Variants in PCDHA10 observed in about 807,000 individuals in gnomAD.
PCDHA10 encodes the protein protocadherin alpha 10, also known as protocadherin alpha-10.
Under a neutral mutation model 61.2 loss-of-function variants are expected in PCDHA10, and 45 were observed. The ratio of observed to expected loss-of-function variants is 0.74; its 90% CI spans 0.58 to 0.94. PCDHA10 has a LOEUF of 0.94. Among genes scored for constraint, PCDHA10 ranks in the 40% least tolerant of loss-of-function variants. PCDHA10 has a pLI of 0.00. For synonymous variants in PCDHA10, 602 were observed against 548.8 expected, an observed-to-expected ratio of 1.10 and a Z score of -1.35; for missense variants, 1,278 against 1,236.2, an observed-to-expected ratio of 1.03 and a Z score of -0.51.
intron 1 of PCDHA10, chr5:140,927,278 T>C: frequency 6.2e-7 from 1 of 1,614,094 alleles, no homozygotes; most frequent in Non-Finnish European, 8.5e-7. Flanking sequence ...GCCGGCGACG[T>C]GCAGCTGCAC....
At chr5:140,993,407 C>T (rs2097554546) in intron 3 of PCDHA10, among the ~76,000 whole-genome samples, 1 of 151,550 alleles carries the variant, frequency 6.6e-6, no homozygotes, top group African/African-American at 2.4e-5. Context: ...TAACCACCTT[C>T]ATCAGCATTT....
chr5:140,924,910 AT>A (rs1554202346), intron 1 of PCDHA10, among the ~76,000 whole-genome samples: 33 of 63,422 alleles, frequency 5.2e-4, no homozygotes, highest in African/African-American at 1.8e-3. Context: ...AAAAAATAAA[AT>A]AAAATAAAAT....
At chr5:140,969,766 C>A (rs1384743731) in intron 1 of PCDHA10, among the ~76,000 whole-genome samples, 2 of 152,130 alleles carry the variant, frequency 1.3e-5, no homozygotes, top group Non-Finnish European at 1.5e-5. Context: ...AGCTCTGAGG[C>A]CTCTAGGGGC....
At chr5:140,967,919 G>A (rs1554230110) in intron 1 of PCDHA10, 1 of 1,614,212 alleles carries the variant, frequency 6.2e-7, no homozygotes, top group South Asian at 1.1e-5. Flanking sequence ...CACCATTGTG[G>A]CCGTTCTCAG....
At chr5:140,898,906 G>A (rs199581699) in intron 1 of PCDHA10, among the ~76,000 whole-genome samples, 45,464 of 151,416 alleles carry the variant, frequency 0.3, 7,269 homozygotes, top group East Asian at 0.52. Context: ...GGTCCTTCAC[G>A]TCCCTTGTAA....
chr5:140,883,962 T>G, intron 1 of PCDHA10: 3 of 1,613,126 alleles, frequency 1.9e-6, no homozygotes, highest in Non-Finnish European at 2.5e-6. Context: ...GCTCCGGCGC[T>G]GCTGACGCCC....
In PCDHA10 at chr5:140,863,566, A is replaced by G. The variant is rs1390955253; in HGVS notation, c.2388+5130A>G. The G allele has an allele frequency of 2.9e-5, 11 of 373,988 alleles. No individual in the cohort carries two copies. In the East Asian group the frequency reaches 4.0e-4, roughly 13 times the overall value. The allele number at this position is 373,988 out of a possible 1,614,324, so 23.2% of individuals were successfully genotyped here. A position where few individuals can be genotyped will look rare whatever the true frequency, so the allele number is the denominator to read the frequency against. On this transcript the variant is annotated intron_variant, in intron 1 of 3. Transcript: ENST00000307360. Reference sequence around the variant, plus strand: ...ACTTCAATAGGAAATTTTTGAGAATATAAGTACTGTAATCCTGGAAAGTAT... The same window carrying G: ...ACTTCAATAGGAAATTTTTGAGAATGTAAGTACTGTAATCCTGGAAAGTAT...
intron 1 of PCDHA10, chr5:140,870,673 C>T (rs1554164562): frequency 1.9e-6 from 3 of 1,612,666 alleles, no homozygotes; most frequent in Non-Finnish European, 1.7e-6. Context: ...GCCGTTGGAC[C>T]ACGAGGAGCT....
At chr5:140,869,746 A>G in intron 1 of PCDHA10, 1 of 1,613,340 alleles carries the variant, frequency 6.2e-7, no homozygotes, top group Non-Finnish European at 8.5e-7. Flanking sequence ...GCTAACAGCT[A>G]CAGACGGGGG....
rs1169981457 is a variant in PCDHA10, at chr5:140,955,139, G to GT, written c.2389-23805dup. ...TTCTGTTCCACTGGTCTACACGTCT[G>GT]TTTTTGTACCAGTACCGTGCTGTTT... On this transcript the variant is annotated intron_variant, in intron 1 of 3. Coordinates refer to ENST00000307360, the MANE Select transcript of PCDHA10 (RefSeq NM_018901.4). Among the ~76,000 whole-genome samples the GT allele has an allele frequency of 2.0e-5, 3 of 152,138 alleles. No homozygotes were observed. The East Asian group carries it at 5.8e-4, about 29-fold the overall frequency.
At chr5:140,946,720 A>C (rs1460843213) in intron 1 of PCDHA10, among the ~76,000 whole-genome samples, 4 of 150,970 alleles carry the variant, frequency 2.6e-5, no homozygotes, top group African/African-American at 9.8e-5. Flanking sequence ...ATGTTTAGTT[A>C]AATAAGCCAG....
chr5:140,863,385 G>T (rs782510264), intron 1 of PCDHA10: 7 of 1,030,746 alleles, frequency 6.8e-6, no homozygotes, highest in Non-Finnish European at 1.0e-5. Context: ...CCGAGAGCTC[G>T]TGCATGCCGG....
chr5:140,976,982 T>G (rs1348911349), intron 1 of PCDHA10, among the ~76,000 whole-genome samples: 1 of 152,240 alleles, frequency 6.6e-6, no homozygotes, highest in African/African-American at 2.4e-5. Flanking sequence ...CTGCCTGATC[T>G]TACTGCCATA....
chr5:140,873,706 G>T (rs1419666886), intron 1 of PCDHA10, among the ~76,000 whole-genome samples: 1 of 152,132 alleles, frequency 6.6e-6, no homozygotes, highest in Non-Finnish European at 1.5e-5. Context: ...TATCACCCAG[G>T]CTGGTGTGCA....
chr5:140,907,782 G>A (rs1285928394), intron 1 of PCDHA10, among the ~76,000 whole-genome samples: 1 of 152,158 alleles, frequency 6.6e-6, no homozygotes, highest in African/African-American at 2.4e-5. Flanking sequence ...AGGGGTGGCT[G>A]GGGAAAGAGG....
At chr5:140,915,626 GTCTCTCTCTCTCTC>G in intron 1 of PCDHA10, among the ~76,000 whole-genome samples, 1 of 146,536 alleles carries the variant, frequency 6.8e-6, no homozygotes, top group Non-Finnish European at 1.5e-5. Flanking sequence ...GTCTCTTTCT[GTCTCTCTCTCTCTC>G]TCTCTCTCTC....
At chr5:140,924,901 AAAAAT>A (rs10667761) in intron 1 of PCDHA10, among the ~76,000 whole-genome samples, 4,416 of 80,206 alleles carry the variant, frequency 0.055, 204 homozygotes, top group African/African-American at 0.16. Flanking sequence ...TCTCAAAAAA[AAAAAT>A]AAAATAAAAT....
intron 1 of PCDHA10, chr5:140,869,538 T>C (rs536846543): frequency 1.2e-6 from 2 of 1,614,204 alleles, no homozygotes; most frequent in East Asian, 4.5e-5. Context: ...TTGCGGAATC[T>C]AAGCAATCGG....
intron 1 of PCDHA10, among the ~76,000 whole-genome samples, chr5:140,978,124 G>A (rs1554239035): frequency 6.6e-6 from 1 of 152,140 alleles, no homozygotes; most frequent in East Asian, 1.9e-4. Context: ...GTCTTTAGGT[G>A]CCCATATTTT....
Sources: allele counts gnomAD v4.1 joint callset (sites outside exome capture counted in the v4.1 genomes callset), GRCh38; gene constraint gnomAD v4.1.1; transcripts MANE v1.5; gene names NCBI Gene and HGNC (gene_info 2026-07-23, HGNC 2026-07-21).